The following ADAM12 variants were observed in gnomAD, a reference collection of about 807,000 sequenced individuals.
The protein encoded by ADAM12 is ADAM metallopeptidase domain 12.
ADAM12 carries 70 observed loss-of-function variants against 106.4 expected under a neutral mutation model. The ratio of observed to expected loss-of-function variants is 0.66; its 90% CI spans 0.54 to 0.80. ADAM12 has a LOEUF of 0.80. Among genes scored for constraint, ADAM12 ranks in the 30% least tolerant of loss-of-function variants. The pLI is 0.00. For missense variants in ADAM12, 1,010 were observed against 1,171.9 expected, an observed-to-expected ratio of 0.86 and a Z score of 2.02; for synonymous variants, 420 against 433.5, an observed-to-expected ratio of 0.97 and a Z score of 0.39.
intron 2 of ADAM12, among the ~76,000 whole-genome samples, chr10:126,309,771 A>G (rs899888390): frequency 6.6e-6 from 1 of 152,194 alleles, no homozygotes; most frequent in South Asian, 2.1e-4. Flanking sequence ...AAATAATCAG[A>G]TTGAGATGAT....
At chr10:126,181,687 G>A (rs1010547100) in intron 3 of ADAM12, among the ~76,000 whole-genome samples, 1 of 152,216 alleles carries the variant, frequency 6.6e-6, no homozygotes, top group Admixed American at 6.5e-5. Flanking sequence ...AGAGGCAGAA[G>A]AGAGGCATAC....
chr10:126,328,345 C>T (rs1007952776), intron 2 of ADAM12, among the ~76,000 whole-genome samples: 1 of 152,152 alleles, frequency 6.6e-6, no homozygotes, highest in Non-Finnish European at 1.5e-5. Context: ...CGTTGTTCTG[C>T]AAAAATATTC....
rs140716498 is a variant in ADAM12 at position 126,300,900 on chromosome 10, C to A, written c.187-21912G>T. ...GACCAACTTCTAAGGCAGCTTGAAG[C>A]TTTCTGTCCTCAGGTCTTTTCAGTT... On this transcript the variant is annotated intron_variant, in intron 2 of 22. Transcript: ENST00000448723. Among the ~76,000 whole-genome samples the A allele has an allele frequency of 1.2e-3, 178 of 152,140 alleles. 4 individuals are homozygous for A. The highest frequency in any genetic ancestry group is 6.8e-3 in the Middle Eastern group (2 of 294).
At chr10:126,171,085 T>C (rs929271685) in intron 3 of ADAM12, among the ~76,000 whole-genome samples, 6 of 152,274 alleles carry the variant, frequency 3.9e-5, no homozygotes, top group African/African-American at 4.8e-5. Context: ...CAAGGGTAAA[T>C]TGACATTTTC....
intron 2 of ADAM12, among the ~76,000 whole-genome samples, chr10:126,293,179 T>A (rs770933248): frequency 5.9e-5 from 9 of 152,222 alleles, no homozygotes; most frequent in Non-Finnish European, 1.0e-4. Flanking sequence ...TGCTAACACC[T>A]AAGAGTCAGG....
intron 2 of ADAM12, among the ~76,000 whole-genome samples, chr10:126,324,407 G>A (rs1484342580): frequency 1.3e-5 from 2 of 152,220 alleles, no homozygotes; most frequent in Non-Finnish European, 2.9e-5. Flanking sequence ...TGGCTAAGAT[G>A]TAGGGGTGGG....
At chr10:126,103,831 T>G (rs1955713900) in intron 8 of ADAM12, among the ~76,000 whole-genome samples, 1 of 152,216 alleles carries the variant, frequency 6.6e-6, no homozygotes, top group Non-Finnish European at 1.5e-5. Flanking sequence ...ACAAATATTT[T>G]CTTGCCTCTT....
At chr10:126,219,466 T>G (rs914104011) in intron 3 of ADAM12, among the ~76,000 whole-genome samples, 2 of 150,146 alleles carry the variant, frequency 1.3e-5, no homozygotes, top group African/African-American at 4.8e-5. Flanking sequence ...GTGGTCTTTT[T>G]CTTTTAAGAT....
At chr10:126,092,017 G>A (rs1047834076) in intron 11 of ADAM12, among the ~76,000 whole-genome samples, 1 of 152,046 alleles carries the variant, frequency 6.6e-6, no homozygotes, top group African/African-American at 2.4e-5. Flanking sequence ...AAGAGCCAGG[G>A]GGTTACTAAA....
At chr10:126,090,906 C>T (rs1157288879) in intron 11 of ADAM12, 1 of 152,194 alleles carries the variant, frequency 6.6e-6, no homozygotes, top group Non-Finnish European at 1.5e-5. Context: ...CTTTTTGATT[C>T]TGAGATGTTA....
At chr10:126,157,190 C>T (rs1311330162) in intron 3 of ADAM12, among the ~76,000 whole-genome samples, 2 of 152,210 alleles carry the variant, frequency 1.3e-5, no homozygotes, top group African/African-American at 4.8e-5. Context: ...CACCTCCATC[C>T]TGGTCCCTTA....
At chr10:126,046,345 T>A (rs1221978058) in intron 16 of ADAM12, among the ~76,000 whole-genome samples, 1 of 152,224 alleles carries the variant, frequency 6.6e-6, no homozygotes, top group African/African-American at 2.4e-5. Context: ...CAGCACATTT[T>A]GAGACTAAGT....
intron 3 of ADAM12, among the ~76,000 whole-genome samples, chr10:126,192,786 C>T (rs983654129): frequency 5.9e-5 from 9 of 152,128 alleles, no homozygotes; most frequent in African/African-American, 2.2e-4. Flanking sequence ...GAAAGATATG[C>T]CAAAGACCCA....
Position 126,304,628 on chromosome 10 carries a change from A to G in ADAM12, c.187-25640T>C, listed in dbSNP as rs186801135. Among the ~76,000 whole-genome samples the G allele has an allele frequency of 3.6e-3, 547 of 152,238 alleles. 4 individuals carry two copies. Among genetic ancestry groups the G allele is most frequent in the African/African-American group, 9.6e-3 (397 of 41,556 alleles). On this transcript the variant is annotated intron_variant, in intron 2 of 22. Transcript: ENST00000448723. Reference sequence around the variant, plus strand: ...ACTATTTGATAAATTGGACTTCAAAATTTTAAAATTCTGCTGATCAAAATA... The same window carrying G: ...ACTATTTGATAAATTGGACTTCAAAGTTTTAAAATTCTGCTGATCAAAATA...
intron 3 of ADAM12, among the ~76,000 whole-genome samples, chr10:126,204,011 T>C (rs542168068): frequency 6.6e-6 from 1 of 151,812 alleles, no homozygotes; most frequent in African/African-American, 2.4e-5. Flanking sequence ...CACCCAGGAG[T>C]TGAAGGAATT....
At chr10:126,098,279 A>G in intron 10 of ADAM12, 137 bp downstream of exon 10, 1 of 714,044 alleles carries the variant, frequency 1.4e-6, no homozygotes, top group Non-Finnish European at 2.4e-6. Flanking sequence ...AAAATTATAA[A>G]TACAGCTACA....
chr10:126,224,952 C>A (rs934140282), intron 3 of ADAM12, among the ~76,000 whole-genome samples: 4 of 152,246 alleles, frequency 2.6e-5, no homozygotes, highest in Non-Finnish European at 5.9e-5. Context: ...CACCCTCCTC[C>A]TCTACGTGAA....
rs1353948165 is a variant in ADAM12 at position 126,056,644 on chromosome 10, T to TAC, written c.1610-6976_1610-6975insGT. 2.2e-4 allele frequency among the ~76,000 whole-genome samples: 7 copies of TAC among 31,878 alleles called. 1 individual carries two copies. Among genetic ancestry groups the TAC allele is most frequent in the South Asian group, 1.2e-3 (1 of 812 alleles). The allele number at this position is 31,878 out of a possible 152,430, so 20.9% of individuals were successfully genotyped here. On this transcript the variant is annotated intron_variant, in intron 14 of 22. Coordinates refer to ENST00000448723, the MANE Select transcript of ADAM12 (RefSeq NM_001288973.2). ...TTACTCTTGAGTGTGATATTCCCCT[T>TAC]CCTGTGTCCATGTGATCTCATTGTT...
intron 3 of ADAM12, among the ~76,000 whole-genome samples, chr10:126,259,015 A>T (rs1958948392): frequency 6.6e-6 from 1 of 152,216 alleles, no homozygotes; most frequent in South Asian, 2.1e-4. Flanking sequence ...GAGGTCAAAA[A>T]TAATGGTTGA....
Sources: allele counts gnomAD v4.1 joint callset (sites outside exome capture counted in the v4.1 genomes callset), GRCh38; gene constraint gnomAD v4.1.1; transcripts MANE v1.5; gene names NCBI Gene and HGNC (gene_info 2026-07-23, HGNC 2026-07-21).